The following ITPR2 variants were observed in gnomAD, a reference collection of about 807,000 sequenced individuals.
The protein encoded by ITPR2 is inositol 1,4,5-trisphosphate-gated calcium channel ITPR2.
Under a neutral mutation model 317.1 loss-of-function variants are expected in ITPR2, and 207 were observed. That is an observed-to-expected ratio of 0.65 (90% confidence interval 0.58 to 0.73). The LOEUF is 0.73. Among genes scored for constraint, ITPR2 ranks in the 30% least tolerant of loss-of-function variants. The pLI is 0.00. For missense variants in ITPR2, 2,613 were observed against 3,284.0 expected (o/e 0.80, Z 4.99); for synonymous variants, 1,156 against 1,149.1 (o/e 1.01, Z -0.12).
chr12:26,444,253 TTCTC>T (rs1279721744), intron 45 of ITPR2, among the ~76,000 whole-genome samples: 3 of 152,154 alleles, frequency 2.0e-5, no homozygotes, highest in African/African-American at 7.2e-5. Context: ...GAAGTGATCT[TTCTC>T]TCCCATTTGA....
At chr12:26,439,961 C>A (rs1941446993) in intron 46 of ITPR2, among the ~76,000 whole-genome samples, 1 of 152,082 alleles carries the variant, frequency 6.6e-6, no homozygotes, top group Non-Finnish European at 1.5e-5. Context: ...TATTTTCATA[C>A]AGCTTTACTA....
chr12:26,587,492 G>A (rs1945561106), intron 32 of ITPR2, among the ~76,000 whole-genome samples: 1 of 152,136 alleles, frequency 6.6e-6, no homozygotes, highest in South Asian at 2.1e-4. Context: ...CCTGGAAAAT[G>A]TACAGTTGCT....
At chr12:26,434,364 C>T (rs1483688524) in intron 48 of ITPR2, among the ~76,000 whole-genome samples, 1 of 152,146 alleles carries the variant, frequency 6.6e-6, no homozygotes, top group African/African-American at 2.4e-5. Context: ...ACATCCGCTG[C>T]TGTTATTATT....
chr12:26,762,319 A>T (rs1949649943), intron 2 of ITPR2, among the ~76,000 whole-genome samples: 1 of 152,238 alleles, frequency 6.6e-6, no homozygotes, highest in African/African-American at 2.4e-5. Flanking sequence ...AGTCAAAGTG[A>T]ATTTTGAAAG....
rs889414131 is a variant in ITPR2 at position 26,493,931 on chromosome 12, T to C, written c.5370+222A>G. On this transcript the variant is annotated intron_variant, in intron 39 of 56. Transcript: ENST00000381340. Reference sequence around the variant, plus strand: ...CTGTTGTGGAATTCCTGGAATAATGTCAGAAGGAAGTTTCAGAGGAATGTT... The same window carrying C: ...CTGTTGTGGAATTCCTGGAATAATGCCAGAAGGAAGTTTCAGAGGAATGTT... 5 of 403,568 alleles carry C rather than the reference T, an allele frequency of 1.2e-5. No individual in the cohort carries two copies. In the Middle Eastern group the frequency reaches 1.9e-3, roughly 156 times the overall value. The allele number at this position is 403,568 out of a possible 1,614,324, so 25.0% of individuals were successfully genotyped here.
chr12:26,681,684 C>A (rs1295429743), intron 13 of ITPR2, among the ~76,000 whole-genome samples, 190 bp downstream of exon 13: 1 of 152,132 alleles, frequency 6.6e-6, no homozygotes, highest in Non-Finnish European at 1.5e-5. Flanking sequence ...GTAAATATTC[C>A]AACAGATTTA....
chr12:26,486,445 T>A, intron 40 of ITPR2, 85 bp from the exon 41 acceptor site: 1 of 1,063,786 alleles, frequency 9.4e-7, no homozygotes, highest in Non-Finnish European at 1.3e-6. Flanking sequence ...GTACCCAAAT[T>A]CTCTAACAAT....
chr12:26,359,098 G>C (rs1157047785), intron 55 of ITPR2, among the ~76,000 whole-genome samples: 1 of 152,186 alleles, frequency 6.6e-6, no homozygotes, highest in Non-Finnish European at 1.5e-5. Flanking sequence ...GTTCTAGGAG[G>C]GCAGGGCTTT....
At chr12:26,586,870 A>C (rs1473863856) in intron 32 of ITPR2, among the ~76,000 whole-genome samples, 1 of 151,990 alleles carries the variant, frequency 6.6e-6, no homozygotes, top group Non-Finnish European at 1.5e-5. Flanking sequence ...ATTGCCTAGG[A>C]CTCCTTTCTC....
intron 37 of ITPR2, among the ~76,000 whole-genome samples, chr12:26,548,281 G>T (rs751095193): frequency 6.6e-6 from 1 of 152,188 alleles, no homozygotes; most frequent in South Asian, 2.1e-4. Context: ...GCAAAGGTCA[G>T]GGCAGGAAAA....
intron 54 of ITPR2, among the ~76,000 whole-genome samples, chr12:26,397,156 G>C (rs1160052776): frequency 1.3e-5 from 2 of 151,892 alleles, no homozygotes; most frequent in African/African-American, 4.8e-5. Context: ...ATCTTCCACT[G>C]TAAGTCCAGA....
chr12:26,677,857 G>T (rs1383287414), intron 13 of ITPR2, among the ~76,000 whole-genome samples: 1 of 152,102 alleles, frequency 6.6e-6, no homozygotes, highest in Non-Finnish European at 1.5e-5. Context: ...AGAAAATGAT[G>T]TTGCTCAGAG....
rs1233174365 is a variant in ITPR2, at chr12:26,831,737, A to T, written c.92+953T>A. On this transcript the variant is annotated intron_variant, in intron 1 of 56. Coordinates refer to ENST00000381340, the MANE Select transcript of ITPR2 (RefSeq NM_002223.4). The surrounding 1 kb of genome is among the most constrained non-coding windows in gnomAD (Gnocchi z 4.9). ...ATATATATTCTACATAAAATATATA[A>T]ATATATATTCTACATAAAATATATA... Among the ~76,000 whole-genome samples the T allele has an allele frequency of 8.1e-6, 1 of 123,928 alleles. No individual in the cohort carries two copies. The highest frequency in any genetic ancestry group is 1.8e-5 in the Non-Finnish European group (1 of 55,496). The allele number at this position is 123,928 out of a possible 152,430, so 81.3% of individuals were successfully genotyped here.
At chr12:26,603,128 T>C (rs565735596) in intron 26 of ITPR2, among the ~76,000 whole-genome samples, 64 of 152,194 alleles carry the variant, frequency 4.2e-4, no homozygotes, top group African/African-American at 1.5e-3. Flanking sequence ...ATGGAGCAGA[T>C]CATCATAGCT....
chr12:26,673,450 A>T (rs894899068), intron 13 of ITPR2, among the ~76,000 whole-genome samples: 8 of 152,192 alleles, frequency 5.3e-5, no homozygotes, highest in Middle Eastern at 3.2e-3. Context: ...AAACCACATG[A>T]CTATCTCAAT....
At chr12:26,551,883 C>T (rs893161186) in intron 36 of ITPR2, among the ~76,000 whole-genome samples, 7 of 152,134 alleles carry the variant, frequency 4.6e-5, no homozygotes, top group Admixed American at 2.0e-4. Context: ...AAAGAAGGGA[C>T]TGGAATATTA....
At chr12:26,340,481 T>C (rs1469962445) in intron 55 of ITPR2, among the ~76,000 whole-genome samples, 153 bp from the exon 56 acceptor site, 1 of 152,192 alleles carries the variant, frequency 6.6e-6, no homozygotes, top group East Asian at 1.9e-4. Flanking sequence ...AAGTAGGGCT[T>C]AGACACTGGT....
intron 55 of ITPR2, among the ~76,000 whole-genome samples, chr12:26,356,767 C>T (rs1460795801): frequency 6.6e-6 from 1 of 152,176 alleles, no homozygotes; most frequent in African/African-American, 2.4e-5. Context: ...GGCTGGTCTC[C>T]AACTCCTGGC....
chr12:26,377,074 T>C (rs1266632412), intron 55 of ITPR2, among the ~76,000 whole-genome samples: 2 of 152,172 alleles, frequency 1.3e-5, no homozygotes, highest in East Asian at 3.9e-4. Context: ...CTTTGCAACC[T>C]GGCTCCTGGT....
Sources: allele counts gnomAD v4.1 joint callset (sites outside exome capture counted in the v4.1 genomes callset), GRCh38; gene constraint gnomAD v4.1.1; non-coding constraint Gnocchi (gnomAD v3.1); transcripts MANE v1.5; gene names NCBI Gene and HGNC (gene_info 2026-07-23, HGNC 2026-07-21).